Variants in CAPZB observed in about 807,000 individuals in gnomAD.
CAPZB encodes F-actin-capping protein subunit beta.
CAPZB carries 2 observed loss-of-function variants against 38.1 expected under a neutral mutation model. That is an observed-to-expected ratio of 0.05 (90% confidence interval 0.02 to 0.17). The LOEUF (loss-of-function observed/expected upper bound fraction) is 0.17. CAPZB is among the 10% of genes least tolerant of loss of function. CAPZB has a pLI of 1.00. For missense variants in CAPZB, 161 were observed against 334.2 expected (o/e 0.48, Z 4.04); for synonymous variants, 107 against 127.4 (o/e 0.84, Z 1.08).
rs774357129 is a variant in CAPZB at position 19,412,581 on chromosome 1, G to C, written c.93+7080C>G. Among the ~76,000 whole-genome samples, 4 of 152,244 alleles carry C rather than the reference G, an allele frequency of 2.6e-5. No individual in the cohort carries two copies. The East Asian group carries it at 5.8e-4, about 22-fold the overall frequency. On this transcript the variant is annotated intron_variant, in intron 2 of 8. Transcript: ENST00000264202. ...TTCAGATGAATGCCACATTTCCAGAGAGAAAACAATTTTTAAATAAGACAA... is the reference window on the plus strand; with the variant it reads ...TTCAGATGAATGCCACATTTCCAGACAGAAAACAATTTTTAAATAAGACAA...
In CAPZB at chr1:19,339,636, G is replaced by A. The variant is rs777831560; in HGVS notation, c.732-19C>T. The A allele has an allele frequency of 1.7e-5, 27 of 1,581,730 alleles. No homozygotes were observed. Among genetic ancestry groups the A allele is most frequent in the South Asian group, 1.5e-4 (14 of 90,484 alleles). On this transcript the variant is annotated intron_variant, in intron 8 of 8. Coordinates refer to ENST00000264202, the MANE Select transcript of CAPZB (RefSeq NM_004930.5). ...CACAGACCTGCAAGGGAGGAAAGGC[G>A]TTATCAGCAGATTGAACAGGGACTG... is the stretch of plus-strand genomic sequence containing the variant.
Position 19,339,266 on chromosome 1 carries a change from G to T in CAPZB, c.*264C>A. The stretch of plus-strand genomic sequence containing the variant: ...AATGGGGGGACAGGGAGGAAGACGG[G>T]GGGCCCGGGTGAACAAAAACCACAC... On this transcript the variant is annotated 3_prime_UTR_variant, in exon 9 of 9. Transcript: ENST00000264202. 1 of 482,910 alleles carries T rather than the reference G, an allele frequency of 2.1e-6. No homozygotes were observed. Among genetic ancestry groups the T allele is most frequent in the Non-Finnish European group, 3.7e-6 (1 of 270,450 alleles). 29.9% of individuals were successfully genotyped at this position (482,910 alleles called of 1,614,324 possible).
At chr1:19,349,067 C>T (rs11805045) in intron 6 of CAPZB, among the ~76,000 whole-genome samples, 32,347 of 151,974 alleles carry the variant, frequency 0.21, 4,086 homozygotes, top group South Asian at 0.32. Context: ...ATAAACACAC[C>T]AACCTCGGCA....
chr1:19,412,694 T>C lies in CAPZB; in HGVS notation c.93+6967A>G, dbSNP rs555702225. On this transcript the variant is annotated intron_variant, in intron 2 of 8. Transcript: ENST00000264202. The stretch of plus-strand genomic sequence containing the variant: ...GTATTTGCTCTTCTTTCTTCCTCTA[T>C]TGACATGAGTACTTTGGGGAAAGAA... 3.3e-5 allele frequency among the ~76,000 whole-genome samples: 5 copies of C among 152,314 alleles called. No individual in the cohort carries two copies. The South Asian group carries it at 8.3e-4, about 25-fold the overall frequency.
intron 1 of CAPZB, among the ~76,000 whole-genome samples, chr1:19,460,790 T>A (rs2094548953): frequency 6.6e-6 from 1 of 151,932 alleles, no homozygotes; most frequent in South Asian, 2.1e-4. Context: ...AGGATGGCTG[T>A]ATCACTCCTT....
rs369332707 is a variant in CAPZB, at chr1:19,448,499, G to A, written c.4-28749C>T. Among the ~76,000 whole-genome samples the A allele has an allele frequency of 1.6e-4, 24 of 152,346 alleles. No homozygotes were observed. In the East Asian group the frequency reaches 3.9e-3, roughly 24 times the overall value. On this transcript the variant is annotated intron_variant, in intron 1 of 8. Coordinates refer to ENST00000264202, the MANE Select transcript of CAPZB (RefSeq NM_004930.5). ...CAAGCTGTTTCTTCTCTGAACCGCAGAAACAAACCTGGTTGCAGTTGGGGC... is the reference window on the plus strand; with the variant it reads ...CAAGCTGTTTCTTCTCTGAACCGCAAAAACAAACCTGGTTGCAGTTGGGGC...
chr1:19,479,039 T>C (rs1292127340), intron 1 of CAPZB, among the ~76,000 whole-genome samples: 4 of 151,978 alleles, frequency 2.6e-5, no homozygotes, highest in Non-Finnish European at 4.4e-5. Context: ...TGAAACCCTG[T>C]CTCTACTAAA....
chr1:19,374,941 C>T (rs918685770), intron 4 of CAPZB, among the ~76,000 whole-genome samples: 2 of 152,198 alleles, frequency 1.3e-5, no homozygotes, highest in Non-Finnish European at 2.9e-5. Flanking sequence ...TGGCCTACTG[C>T]CTCTCCACCC....
intron 4 of CAPZB, among the ~76,000 whole-genome samples, chr1:19,361,023 T>C (rs953995674): frequency 4.6e-5 from 7 of 152,330 alleles, no homozygotes; most frequent in African/African-American, 1.7e-4. Context: ...ATGACTTTTA[T>C]ATAACTGTAA....
At chr1:19,484,010 G>A (rs372862210) in intron 1 of CAPZB, among the ~76,000 whole-genome samples, 79 of 152,162 alleles carry the variant, frequency 5.2e-4, no homozygotes, top group African/African-American at 1.8e-3. Flanking sequence ...AAGTTCTCTG[G>A]CCCTTCCAAC....
chr1:19,418,559 C>T (rs1570205728), intron 2 of CAPZB, among the ~76,000 whole-genome samples: 4 of 152,306 alleles, frequency 2.6e-5, no homozygotes, highest in Middle Eastern at 3.4e-3. Flanking sequence ...TCTTTCTTCC[C>T]ACTTCCTGAA....
intron 1 of CAPZB, among the ~76,000 whole-genome samples, chr1:19,445,218 C>G (rs750149066): frequency 6.6e-6 from 1 of 152,054 alleles, no homozygotes; most frequent in African/African-American, 2.4e-5. Context: ...GTGTTTTAAG[C>G]AAGTGGGAAT....
At position 19,359,786 on chromosome 1, in the gene CAPZB, A is replaced by G. The variant is rs116489966; in HGVS notation, c.330-2223T>C. Among the ~76,000 whole-genome samples, 315 of 152,344 alleles carry G rather than the reference A, an allele frequency of 2.1e-3. 1 individual carries two copies. Among genetic ancestry groups the G allele is most frequent in the African/African-American group, 7.0e-3 (292 of 41,592 alleles). ...CGAGAGGAAAAGGACCACTGGATGAACAGACACACCTGTGAGGCCCAGAGC... is the reference window on the plus strand; with the variant it reads ...CGAGAGGAAAAGGACCACTGGATGAGCAGACACACCTGTGAGGCCCAGAGC... On this transcript the variant is annotated intron_variant, in intron 4 of 8. Transcript: ENST00000264202.
chr1:19,340,667 A>G (rs2093922995), intron 8 of CAPZB, among the ~76,000 whole-genome samples: 1 of 146,504 alleles, frequency 6.8e-6, no homozygotes, highest in Non-Finnish European at 1.5e-5. Flanking sequence ...CCCCATCTCT[A>G]CAACGACAAC....
At chr1:19,438,775 G>A (rs1227889072) in intron 1 of CAPZB, among the ~76,000 whole-genome samples, 2 of 152,216 alleles carry the variant, frequency 1.3e-5, no homozygotes, top group African/African-American at 4.8e-5. Context: ...ACACAGGGAG[G>A]GGTGCAACGA....
At chr1:19,449,255 A>C in intron 1 of CAPZB, 1 of 1,080,512 alleles carries the variant, frequency 9.3e-7, no homozygotes, top group Non-Finnish European at 1.1e-6. Flanking sequence ...GGGTCTTGAC[A>C]CTTGAAAATT....
At chr1:19,345,770 G>A (rs766770266) in intron 6 of CAPZB, among the ~76,000 whole-genome samples, 62 of 152,256 alleles carry the variant, frequency 4.1e-4, no homozygotes, top group Non-Finnish European at 7.6e-4. Context: ...CTCTGACGGA[G>A]ACTTCAGGCC....
chr1:19,422,589 T>G lies in CAPZB; in HGVS notation c.4-2839A>C, dbSNP rs1417742759. 4.6e-5 allele frequency among the ~76,000 whole-genome samples: 7 copies of G among 152,042 alleles called. No homozygotes were observed. The East Asian group carries it at 1.4e-3, about 29-fold the overall frequency. The stretch of plus-strand genomic sequence containing the variant: ...GTCTCTACTAAAAATACAAAAAAAT[T>G]AGCCGGGCGTGGTGGCGGGCGCCTG... On this transcript the variant is annotated intron_variant, in intron 1 of 8. Transcript: ENST00000264202.
At chr1:19,379,143 G>A (rs555510801) in intron 3 of CAPZB, among the ~76,000 whole-genome samples, 16 of 144,768 alleles carry the variant, frequency 1.1e-4, no homozygotes, top group African/African-American at 3.9e-4. Flanking sequence ...CTGTCGCCCA[G>A]GCTGGAGTGC....
Sources: allele counts gnomAD v4.1 joint callset (sites outside exome capture counted in the v4.1 genomes callset), GRCh38; gene constraint gnomAD v4.1.1; transcripts MANE v1.5; gene names NCBI Gene and HGNC (gene_info 2026-07-23, HGNC 2026-07-21).